CAMK1D: variants seen among roughly 807,000 people sequenced by gnomAD.
The protein encoded by CAMK1D is calcium/calmodulin-dependent protein kinase type 1D.
Under a neutral mutation model 47.7 loss-of-function variants are expected in CAMK1D, and 9 were observed. The ratio of observed to expected loss-of-function variants is 0.19; its 90% confidence interval spans 0.11 to 0.33. The LOEUF (loss-of-function observed/expected upper bound fraction) is 0.33. Among genes scored for constraint, CAMK1D ranks in the 10% least tolerant of loss-of-function variants. The pLI, the probability that CAMK1D is intolerant of heterozygous loss-of-function variation, is 1.00. For missense variants in CAMK1D, 291 were observed against 488.7 expected (o/e 0.60, Z 3.81); for synonymous variants, 184 against 184.9 (o/e 0.99, Z 0.04).
chr10:12,478,209 C>CGTGTTAGCCAGG (rs1327852687), intron 1 of CAMK1D, among the ~76,000 whole-genome samples: 8 of 151,732 alleles, frequency 5.3e-5, no homozygotes, highest in African/African-American at 1.9e-4. Flanking sequence ...GGGGTTTCAC[C>CGTGTTAGCCAGG]GTGTTAGCCA....
At chr10:12,770,591 G>A (rs554604246) in intron 5 of CAMK1D, among the ~76,000 whole-genome samples, 2 of 152,286 alleles carry the variant, frequency 1.3e-5, no homozygotes, top group South Asian at 4.1e-4. Context: ...CTGCCCTCAT[G>A]GAGCTTACAT....
intron 1 of CAMK1D, among the ~76,000 whole-genome samples, chr10:12,517,137 C>T (rs1430646668): frequency 6.6e-6 from 1 of 152,102 alleles, no homozygotes; most frequent in Admixed American, 6.5e-5. Context: ...TTTATTTTTG[C>T]AGCTGTTGTG....
chr10:12,432,736 G>A (rs761449274), intron 1 of CAMK1D, among the ~76,000 whole-genome samples: 1 of 152,190 alleles, frequency 6.6e-6, no homozygotes, highest in Admixed American at 6.5e-5. Flanking sequence ...GGGTGCCAGC[G>A]CTTGCCTTGC....
chr10:12,598,077 A>G (rs745864877), intron 2 of CAMK1D, among the ~76,000 whole-genome samples: 10 of 152,250 alleles, frequency 6.6e-5, no homozygotes, highest in Non-Finnish European at 1.2e-4. Context: ...CCTCCTATGC[A>G]AGCACTCTAG....
chr10:12,500,386 C>T (rs1834665045), intron 1 of CAMK1D, among the ~76,000 whole-genome samples: 1 of 152,210 alleles, frequency 6.6e-6, no homozygotes, highest in Non-Finnish European at 1.5e-5. Flanking sequence ...CTTACCTCTT[C>T]TTAGACCTCA....
At chr10:12,806,205 C>T (rs532467586) in intron 6 of CAMK1D, among the ~76,000 whole-genome samples, 7 of 152,202 alleles carry the variant, frequency 4.6e-5, no homozygotes, top group African/African-American at 1.7e-4. Context: ...ATTTTTTACA[C>T]TTCCTGTTTA....
intron 2 of CAMK1D, among the ~76,000 whole-genome samples, chr10:12,611,895 G>T (rs2132413510): frequency 6.6e-6 from 1 of 152,236 alleles, no homozygotes; most frequent in African/African-American, 2.4e-5. Flanking sequence ...GCCCAGCCCA[G>T]AATGTCATTC....
chr10:12,396,464 T>C (rs1186174655), intron 1 of CAMK1D, among the ~76,000 whole-genome samples: 2 of 152,212 alleles, frequency 1.3e-5, no homozygotes, highest in Non-Finnish European at 2.9e-5. Flanking sequence ...AGAGTCTTCA[T>C]GAGTCTCTGG....
intron 2 of CAMK1D, among the ~76,000 whole-genome samples, chr10:12,598,993 G>C (rs1010595095): frequency 6.6e-6 from 1 of 152,172 alleles, no homozygotes; most frequent in Non-Finnish European, 1.5e-5. Context: ...TCTGAGTAAT[G>C]ATGCACGAGA....
rs886120263 is a variant in CAMK1D at position 12,824,320 on chromosome 10, C to G, written c.834-145C>G. The G allele has an allele frequency of 4.6e-6, 3 of 658,200 alleles. No homozygotes were observed. The African/African-American group carries it at 5.4e-5, about 12-fold the overall frequency. 40.8% of individuals were successfully genotyped at this position (658,200 alleles called of 1,614,324 possible). On this transcript the variant is annotated intron_variant, in intron 8 of 10. Transcript: ENST00000619168. ...TTAGGGAATGGCCAGGTGATGACAT[C>G]AGCAGCCTGGAAGGGCAGCGGCCAG...
intron 2 of CAMK1D, among the ~76,000 whole-genome samples, chr10:12,556,211 A>G (rs1476589160): frequency 6.6e-6 from 1 of 152,218 alleles, no homozygotes; most frequent in Non-Finnish European, 1.5e-5. Context: ...TGAGCAGCTG[A>G]AAGCAAAGTC....
chr10:12,500,932 A>G (rs1327828694), intron 1 of CAMK1D, among the ~76,000 whole-genome samples: 1 of 152,204 alleles, frequency 6.6e-6, no homozygotes, highest in African/African-American at 2.4e-5. Flanking sequence ...GCAGCCTCAC[A>G]ATCACCTCCT....
chr10:12,528,513 G>A (rs12356332), intron 1 of CAMK1D, among the ~76,000 whole-genome samples: 22,533 of 152,158 alleles, frequency 0.15, 2,056 homozygotes, highest in Middle Eastern at 0.21. Context: ...TCTGGAAGGT[G>A]TGGTACATTT....
intron 4 of CAMK1D, among the ~76,000 whole-genome samples, chr10:12,768,482 C>G (rs1452139150): frequency 6.6e-6 from 1 of 152,152 alleles, no homozygotes; most frequent in Non-Finnish European, 1.5e-5. Flanking sequence ...ATGGGAAATG[C>G]TGTGGGAAAG....
At chr10:12,555,016 A>G (rs936797747) in intron 2 of CAMK1D, among the ~76,000 whole-genome samples, 4 of 152,230 alleles carry the variant, frequency 2.6e-5, no homozygotes, top group African/African-American at 9.6e-5. Context: ...AGTGTGTCTG[A>G]GCAGTGTGCT....
chr10:12,447,613 G>A (rs1279213484), intron 1 of CAMK1D, among the ~76,000 whole-genome samples: 1 of 152,176 alleles, frequency 6.6e-6, no homozygotes, highest in African/African-American at 2.4e-5. Flanking sequence ...GAGGTGGGAG[G>A]ATTGCCTGAG....
intron 3 of CAMK1D, among the ~76,000 whole-genome samples, chr10:12,734,463 T>TATGTATATATATACACAC (rs1564524565): frequency 0.1 from 459 of 4,558 alleles, 16 homozygotes; most frequent in African/African-American, 0.11. Flanking sequence ...TATATACACA[T>TATGTATATATATACACAC]ACACATATGT....
intron 6 of CAMK1D, among the ~76,000 whole-genome samples, chr10:12,804,098 A>G (rs929437837): frequency 6.6e-6 from 1 of 152,176 alleles, no homozygotes; most frequent in African/African-American, 2.4e-5. Flanking sequence ...GAGGGGTGTC[A>G]TTTACAGTGG....
intron 8 of CAMK1D, among the ~76,000 whole-genome samples, chr10:12,818,322 CT>C (rs1319231179): frequency 6.6e-6 from 1 of 152,132 alleles, no homozygotes; most frequent in South Asian, 2.1e-4. Flanking sequence ...GTATTGTCTT[CT>C]TTTTTTCCTT....
Sources: gnomAD v4.1 joint callset for allele counts (sites outside exome capture counted in the v4.1 genomes callset) on GRCh38, gnomAD v4.1.1 for gene constraint, MANE v1.5 for transcripts, NCBI Gene and HGNC (gene_info 2026-07-23, HGNC 2026-07-21) for gene names.